The following NEGR1 variants were observed in gnomAD, a reference collection of about 807,000 sequenced individuals.
The protein encoded by NEGR1 is IgLON family member 4.
NEGR1 carries 10 observed loss-of-function variants against 40.9 expected under a neutral mutation model. The ratio of observed to expected loss-of-function variants is 0.24; its 90% CI spans 0.15 to 0.42. The LOEUF is 0.42. NEGR1 is among the 10% of genes least tolerant of loss of function. NEGR1 has a pLI of 1.00. For synonymous variants in NEGR1, 185 were observed against 166.8 expected (o/e 1.11, Z -0.84); for missense variants, 352 against 438.9 (o/e 0.80, Z 1.77).
intron 6 of NEGR1, among the ~76,000 whole-genome samples, chr1:71,521,813 C>T (rs12754625): frequency 0.089 from 13,576 of 151,956 alleles, 694 homozygotes; most frequent in African/African-American, 0.12. Flanking sequence ...TCTATGGAAA[C>T]AACACTTGAG....
chr1:71,702,702 A>G (rs1421959420), intron 3 of NEGR1, among the ~76,000 whole-genome samples: 5 of 148,182 alleles, frequency 3.4e-5, no homozygotes, highest in African/African-American at 1.2e-4. Flanking sequence ...GCCATAAACC[A>G]CTAAAGAATG....
At chr1:71,459,854 T>G (rs1198951912) in intron 6 of NEGR1, among the ~76,000 whole-genome samples, 1 of 152,214 alleles carries the variant, frequency 6.6e-6, no homozygotes, top group Non-Finnish European at 1.5e-5. Context: ...CTTTGAATAT[T>G]AGCTCAATCA....
Position 72,282,466 on chromosome 1 carries a change from G to C in NEGR1, c.29C>G (p.Ala10Gly). The change falls in exon 1 of 7, where the codon GCT (alanine) becomes GGT (glycine). Residue 10 changes from alanine to glycine, a missense_variant. By Grantham distance (60) the Ala-to-Gly change is moderately conservative. Around this residue, in one of 5 missense-constraint regions of NEGR1, gnomAD observed 81 missense variants for 85.8 expected, o/e 0.94. Coordinates refer to ENST00000357731, the MANE Select transcript of NEGR1 (RefSeq NM_173808.3). MDMMLLVQG[A>G]CCSNQWLAAV... ...CGCCAGCCACTGGTTCGAGCAACAA[G>C]CACCCTGCACCAACAGCATCATGTC... 1 of 1,613,370 alleles carries C rather than the reference G, an allele frequency of 6.2e-7. No individual in the cohort carries two copies. Among genetic ancestry groups the C allele is most frequent in the Non-Finnish European group, 8.5e-7 (1 of 1,179,956 alleles).
chr1:71,550,520 G>C (rs1648041128), intron 6 of NEGR1, among the ~76,000 whole-genome samples: 1 of 151,244 alleles, frequency 6.6e-6, no homozygotes, highest in Non-Finnish European at 1.5e-5. Context: ...TTCATGCAGG[G>C]ACACTAGGAT....
At chr1:72,208,678 A>G (rs1313170164) in intron 1 of NEGR1, among the ~76,000 whole-genome samples, 1 of 151,742 alleles carries the variant, frequency 6.6e-6, no homozygotes, top group African/African-American at 2.4e-5. Flanking sequence ...TACGGTCTAC[A>G]CTAGTTTCCT....
At chr1:71,617,816 C>T (rs1318007606) in intron 4 of NEGR1, among the ~76,000 whole-genome samples, 1 of 152,202 alleles carries the variant, frequency 6.6e-6, no homozygotes. Context: ...CTCTTATACA[C>T]AGAAGTGAGA....
At chr1:71,942,343 A>G (rs944089573) in intron 1 of NEGR1, among the ~76,000 whole-genome samples, 3 of 148,542 alleles carry the variant, frequency 2.0e-5, no homozygotes, top group Non-Finnish European at 4.5e-5. Context: ...TTTTTCATGC[A>G]GAACTATACT....
chr1:72,124,006 T>A (rs1303925995), intron 1 of NEGR1, among the ~76,000 whole-genome samples: 2 of 152,046 alleles, frequency 1.3e-5, no homozygotes, highest in Non-Finnish European at 2.9e-5. Flanking sequence ...GTTTTGAAAT[T>A]AGAAATCTAT....
intron 1 of NEGR1, among the ~76,000 whole-genome samples, chr1:72,096,782 T>A (rs1328471256): frequency 1.3e-5 from 2 of 152,080 alleles, no homozygotes; most frequent in African/African-American, 2.4e-5. Context: ...TGCCTCAGCC[T>A]CCCGAGTAGC....
intron 3 of NEGR1, among the ~76,000 whole-genome samples, chr1:71,749,872 A>G (rs1235571465): frequency 2.6e-5 from 4 of 152,250 alleles, no homozygotes; most frequent in Non-Finnish European, 5.9e-5. Context: ...TGATTAATAC[A>G]GAAGCAGTCA....
rs1028597505 is a variant in NEGR1, at chr1:71,401,621, G to A, written c.*5825C>T. ...TCATGTTAGTATTTCAATATAAATG[G>A]CCTCAAACAACATCACTCAGATTAA... On this transcript the variant is annotated 3_prime_UTR_variant, in exon 7 of 7. Transcript: ENST00000357731. 2.0e-5 allele frequency: 3 copies of A among 152,050 alleles called. No individual in the cohort carries two copies. Among genetic ancestry groups the A allele is most frequent in the African/African-American group, 4.8e-5 (2 of 41,390 alleles). 9.4% of individuals were successfully genotyped at this position (152,050 alleles called of 1,614,324 possible). A position where few individuals can be genotyped will look rare whatever the true frequency, so the allele number is the denominator to read the frequency against.
At chr1:71,775,979 T>C (rs1656491271) in intron 3 of NEGR1, among the ~76,000 whole-genome samples, 193 bp downstream of exon 3, 1 of 148,392 alleles carries the variant, frequency 6.7e-6, no homozygotes, top group Non-Finnish European at 1.5e-5. Context: ...GGGGACAGAG[T>C]AAGACTCTGT....
chr1:71,732,191 G>A (rs1025809398), intron 3 of NEGR1, among the ~76,000 whole-genome samples: 2 of 152,078 alleles, frequency 1.3e-5, no homozygotes, highest in South Asian at 2.1e-4. Flanking sequence ...GCCTATAGTC[G>A]CAGCTACTTG....
At chr1:71,909,666 C>A (rs761826319) in intron 2 of NEGR1, among the ~76,000 whole-genome samples, 1 of 152,068 alleles carries the variant, frequency 6.6e-6, no homozygotes, top group Non-Finnish European at 1.5e-5. Context: ...TTTTAGAAGT[C>A]TTTTGAATAT....
At chr1:71,421,358 T>C (rs1226805130) in intron 6 of NEGR1, 3 of 151,940 alleles carry the variant, frequency 2.0e-5, no homozygotes, top group African/African-American at 2.4e-5. Flanking sequence ...TTTGTTTTAA[T>C]TTTTTTTCCA....
At chr1:71,654,002 T>C (rs1203244624) in intron 4 of NEGR1, among the ~76,000 whole-genome samples, 1 of 152,170 alleles carries the variant, frequency 6.6e-6, no homozygotes, top group Non-Finnish European at 1.5e-5. Context: ...GGCTGTGTAT[T>C]ATTCAAACTT....
At chr1:71,907,763 A>G (rs1302434377) in intron 2 of NEGR1, among the ~76,000 whole-genome samples, 1 of 152,130 alleles carries the variant, frequency 6.6e-6, no homozygotes, top group East Asian at 1.9e-4. Context: ...GTGCCCATCA[A>G]TGGTGGACTG....
At chr1:72,023,242 G>A (rs1212984559) in intron 1 of NEGR1, among the ~76,000 whole-genome samples, 1 of 152,090 alleles carries the variant, frequency 6.6e-6, no homozygotes, top group African/African-American at 2.4e-5. Context: ...TTATTGTTGT[G>A]GCAGTGGTGA....
At chr1:72,166,993 T>A (rs1017310676) in intron 1 of NEGR1, among the ~76,000 whole-genome samples, 13 of 152,036 alleles carry the variant, frequency 8.6e-5, no homozygotes, top group African/African-American at 2.9e-4. Flanking sequence ...TGGCCAGTAG[T>A]GGTCAAGTGA....
Sources: allele counts gnomAD v4.1 joint callset (sites outside exome capture counted in the v4.1 genomes callset), GRCh38; gene constraint gnomAD v4.1.1; regional missense constraint gnomAD v4.1.1; transcripts MANE v1.5; gene names NCBI Gene and HGNC (gene_info 2026-07-23, HGNC 2026-07-21).